The following SRGAP2 variants were observed in gnomAD, a reference collection of about 807,000 sequenced individuals.
SRGAP2 encodes the protein SLIT-ROBO Rho GTPase activating protein 2.
SRGAP2 carries 15 observed loss-of-function variants against 57.2 expected under a neutral mutation model. That is an observed-to-expected ratio of 0.26 (90% CI 0.18 to 0.40). The LOEUF is 0.40. Among genes scored for constraint, SRGAP2 ranks in the 10% least tolerant of loss-of-function variants. The pLI, the probability that SRGAP2 is intolerant of heterozygous loss-of-function variation, is 1.00. For synonymous variants in SRGAP2, 249 were observed against 248.0 expected (o/e 1.00, Z -0.04); for missense variants, 520 against 669.6 (o/e 0.78, Z 2.47).
At chr1:206,404,801 C>T (rs1259251562) in intron 8 of SRGAP2, among the ~76,000 whole-genome samples, 2 of 151,866 alleles carry the variant, frequency 1.3e-5, no homozygotes, top group African/African-American at 4.8e-5. Context: ...TTTGTAAACA[C>T]ATGCTGGCTG....
intron 4 of SRGAP2, among the ~76,000 whole-genome samples, chr1:206,375,155 G>T (rs1255827713): frequency 1.3e-5 from 2 of 148,882 alleles, no homozygotes; most frequent in African/African-American, 5.0e-5. Context: ...TATCATTCTG[G>T]CTCTTTCCCC....
At chr1:206,302,448 T>C (rs1198573296) in intron 2 of SRGAP2, among the ~76,000 whole-genome samples, 11 of 151,384 alleles carry the variant, frequency 7.3e-5, no homozygotes, top group Admixed American at 7.2e-4. Context: ...ATCTGCATGC[T>C]AGAGCTTAAC....
rs141921664 is a variant in SRGAP2, at chr1:206,337,959, T to A, written c.261-4887T>A. ...AAGTTTGTTGAACGTCCATAAATAG[T>A]CCAAGGTGAGGGAGAAAAGCTGGTC... On this transcript the variant is annotated intron_variant, in intron 3 of 22. Transcript: ENST00000573034. Among the ~76,000 whole-genome samples the A allele has an allele frequency of 2.0e-3, 308 of 152,288 alleles. 2 individuals are homozygous for A. The highest frequency in any genetic ancestry group is 0.018 in the East Asian group (95 of 5,180).
chr1:206,450,607 C>T (rs2483060), intron 19 of SRGAP2, 142 bp downstream of exon 19: 163,108 of 609,338 alleles, frequency 0.27, 26,646 homozygotes, highest in East Asian at 0.68. Flanking sequence ...CAATTTCATT[C>T]CCTTCCTTCC....
intron 4 of SRGAP2, among the ~76,000 whole-genome samples, chr1:206,381,149 C>T (rs1553347125): frequency 1.3e-5 from 2 of 152,228 alleles, no homozygotes; most frequent in Non-Finnish European, 2.9e-5. Flanking sequence ...CTAATCAGTA[C>T]ATGAAAGGAA....
At chr1:206,369,887 A>G (rs1300449685) in intron 4 of SRGAP2, among the ~76,000 whole-genome samples, 1 of 151,756 alleles carries the variant, frequency 6.6e-6, no homozygotes, top group East Asian at 1.9e-4. Context: ...TGACCCATCA[A>G]TTCCACATCT....
At chr1:206,440,787 TGCCCACCTCA>T (rs1264629855) in intron 17 of SRGAP2, among the ~76,000 whole-genome samples, 1 of 152,222 alleles carries the variant, frequency 6.6e-6, no homozygotes, top group Non-Finnish European at 1.5e-5. Context: ...CCTCGTGATG[TGCCCACCTCA>T]GCCTCCCAAA....
intron 3 of SRGAP2, among the ~76,000 whole-genome samples, chr1:206,322,579 CAAA>C (rs781892410): frequency 1.9e-5 from 1 of 53,526 alleles, no homozygotes. Context: ...GACTCCATAT[CAAA>C]AAAAAAAAAA....
chr1:206,314,415 T>A (rs1672916872), intron 3 of SRGAP2, among the ~76,000 whole-genome samples: 1 of 152,220 alleles, frequency 6.6e-6, no homozygotes, highest in South Asian at 2.1e-4. Context: ...ATTACAGGCA[T>A]AAGCCTCTGT....
At chr1:206,284,843 C>T (rs1670931447) in intron 2 of SRGAP2, among the ~76,000 whole-genome samples, 1 of 152,138 alleles carries the variant, frequency 6.6e-6, no homozygotes, top group Non-Finnish European at 1.5e-5. Flanking sequence ...AATGCTCATA[C>T]CATCTTGGCC....
At chr1:206,459,245 AG>A (rs542866492) in intron 22 of SRGAP2, among the ~76,000 whole-genome samples, 91 of 152,334 alleles carry the variant, frequency 6.0e-4, no homozygotes, top group Middle Eastern at 3.4e-3. Context: ...GTATTTTGAA[AG>A]CCCAAGTTTT....
At position 206,295,691 on chromosome 1, in the gene SRGAP2, T is replaced by A. The variant is rs1369805420; in HGVS notation, c.68-7590T>A. ...AATTTCTGTACTATATAATTATATA[T>A]CTTGTGCAATTATGTAATATGAATT... is the stretch of plus-strand genomic sequence containing the variant. On this transcript the variant is annotated intron_variant, in intron 2 of 22. Coordinates refer to ENST00000573034, the MANE Select transcript of SRGAP2 (RefSeq NM_015326.5). 2.0e-5 allele frequency among the ~76,000 whole-genome samples: 3 copies of A among 150,890 alleles called. No individual in the cohort carries two copies. The East Asian group carries it at 5.8e-4, about 29-fold the overall frequency.
At chr1:206,422,006 G>A (rs1468419256) in intron 13 of SRGAP2, among the ~76,000 whole-genome samples, 1 of 152,198 alleles carries the variant, frequency 6.6e-6, no homozygotes, top group African/African-American at 2.4e-5. Flanking sequence ...GGCAAATACT[G>A]AAATGATTTT....
Position 206,421,993 on chromosome 1 carries a change from T to C in SRGAP2, c.1494+719T>C, listed in dbSNP as rs113470896. ...CAAAATTGACTTCCTAATTATACTT[T>C]ATGGCAAATACTGAAATGATTTTAT... On this transcript the variant is annotated intron_variant, in intron 13 of 22. Coordinates refer to ENST00000573034, the MANE Select transcript of SRGAP2 (RefSeq NM_015326.5). 5.3e-3 allele frequency among the ~76,000 whole-genome samples: 812 copies of C among 152,362 alleles called. 6 individuals carry two copies. The highest frequency in any genetic ancestry group is 0.019 in the African/African-American group (774 of 41,578).
At chr1:206,284,135 T>C (rs1670887779) in intron 2 of SRGAP2, among the ~76,000 whole-genome samples, 1 of 151,484 alleles carries the variant, frequency 6.6e-6, no homozygotes, top group Admixed American at 6.6e-5. Context: ...TTAAGTTTTG[T>C]TTCTACATGG....
rs201726708 is a variant in SRGAP2, at chr1:206,391,615, GCACACACA to G, written c.487-1055_487-1048del. On this transcript the variant is annotated intron_variant, in intron 5 of 22. Transcript: ENST00000573034. The stretch of plus-strand genomic sequence containing the variant: ...GCACTCCTGTGTTACACACACACAT[GCACACACA>G]CACACACACACACACACATGCACAC... 2.0e-3 allele frequency among the ~76,000 whole-genome samples: 235 copies of G among 115,590 alleles called. 16 individuals carry two copies. The highest frequency in any genetic ancestry group is 8.1e-3 in the African/African-American group (212 of 26,296). 75.8% of individuals were successfully genotyped at this position (115,590 alleles called of 152,430 possible). A position where few individuals can be genotyped will look rare whatever the true frequency, so the allele number is the denominator to read the frequency against.
At chr1:206,460,318 C>T (rs1174387119) in intron 22 of SRGAP2, among the ~76,000 whole-genome samples, 1 of 152,144 alleles carries the variant, frequency 6.6e-6, no homozygotes, top group Non-Finnish European at 1.5e-5. Flanking sequence ...AGTCCCTGGG[C>T]TAGGACTGCT....
Position 206,453,293 on chromosome 1 carries a change from A to G in SRGAP2, c.2273A>G (p.Tyr758Cys), listed in dbSNP as rs1663499046. 3.9e-6 allele frequency: 3 copies of G among 761,598 alleles called. No homozygotes were observed. The highest frequency in any genetic ancestry group is 4.9e-6 in the Non-Finnish European group (2 of 408,326). 47.2% of individuals were successfully genotyped at this position (761,598 alleles called of 1,614,324 possible). A position where few individuals can be genotyped will look rare whatever the true frequency, so the allele number is the denominator to read the frequency against. Residue 758 changes from tyrosine (Y) to cysteine (C), a missense_variant, in exon 20 of 23, where the codon TAC (tyrosine) becomes TGC (cysteine). Physicochemically the swap from Tyr to Cys is radical, Grantham distance 194 (BLOSUM62 -2). Coordinates refer to ENST00000573034, the MANE Select transcript of SRGAP2 (RefSeq NM_015326.5). ...SFKKGASLLL[Y>C]QRASDDWWEG... ...AAGAAGGGAGCATCCCTGCTGCTTTACCAGCGGGCTTCCGACGACTGGTGG... is the reference window on the plus strand; with the variant it reads ...AAGAAGGGAGCATCCCTGCTGCTTTGCCAGCGGGCTTCCGACGACTGGTGG...
At chr1:206,396,046 G>A (rs1177410493) in intron 7 of SRGAP2, among the ~76,000 whole-genome samples, 2 of 144,806 alleles carry the variant, frequency 1.4e-5, no homozygotes, top group African/African-American at 5.2e-5. Flanking sequence ...ACGGTGGTGC[G>A]ATCTCGGCTC....
Sources: allele counts gnomAD v4.1 joint callset (sites outside exome capture counted in the v4.1 genomes callset), GRCh38; gene constraint gnomAD v4.1.1; transcripts MANE v1.5; gene names NCBI Gene and HGNC (gene_info 2026-07-23, HGNC 2026-07-21).